KPNA3: variants seen among roughly 807,000 people sequenced by gnomAD.
KPNA3 encodes karyopherin subunit alpha 3, also known as importin subunit alpha-4.
Under a neutral mutation model 73.8 loss-of-function variants are expected in KPNA3, and 13 were observed. The ratio of observed to expected loss-of-function variants is 0.18; its 90% CI spans 0.11 to 0.28. The LOEUF (loss-of-function observed/expected upper bound fraction) is 0.28. KPNA3 is among the 10% of genes least tolerant of loss of function. The probability of loss-of-function intolerance (pLI) is 1.00; values close to 1 mark genes in which losing one functional copy is unlikely to be tolerated. For missense variants in KPNA3, 360 were observed against 618.1 expected, an observed-to-expected ratio of 0.58 and a Z score of 4.43; for synonymous variants, 186 against 206.9, an observed-to-expected ratio of 0.90 and a Z score of 0.87.
chr13:49,760,530 A>T (rs1954750313), intron 1 of KPNA3, among the ~76,000 whole-genome samples: 1 of 152,212 alleles, frequency 6.6e-6, no homozygotes, highest in African/African-American at 2.4e-5. Flanking sequence ...ACCATAAATT[A>T]AAAAGGAGAC....
intron 1 of KPNA3, among the ~76,000 whole-genome samples, chr13:49,791,052 A>T (rs569177925): frequency 6.6e-6 from 1 of 152,292 alleles, no homozygotes; most frequent in South Asian, 2.1e-4. Flanking sequence ...TTTAACCATG[A>T]CCAGGAAAGA....
intron 2 of KPNA3, among the ~76,000 whole-genome samples, chr13:49,739,554 A>C (rs1249270316): frequency 6.6e-6 from 1 of 152,232 alleles, no homozygotes; most frequent in Non-Finnish European, 1.5e-5. Context: ...AGAAAAAACA[A>C]TTCACACGAA....
chr13:49,705,899 G>T, intron 14 of KPNA3, 116 bp from the exon 15 acceptor site: 1 of 1,042,002 alleles, frequency 9.6e-7, no homozygotes. Context: ...GGAGTTGGAG[G>T]CTGTAGTGCG....
At chr13:49,773,428 A>AT (rs1001930215) in intron 1 of KPNA3, among the ~76,000 whole-genome samples, 16 of 152,216 alleles carry the variant, frequency 1.1e-4, no homozygotes, top group African/African-American at 2.9e-4. Context: ...TGCCTCAAAG[A>AT]TTTTTTCGAT....
At chr13:49,717,429 C>CA (rs1472257740) in intron 10 of KPNA3, among the ~76,000 whole-genome samples, 2 of 38,434 alleles carry the variant, frequency 5.2e-5, no homozygotes, top group Non-Finnish European at 9.8e-5. Flanking sequence ...GACTCCATCT[C>CA]GGAAAAAAAA....
At chr13:49,750,542 G>C (rs1349334256) in intron 1 of KPNA3, among the ~76,000 whole-genome samples, 1 of 152,014 alleles carries the variant, frequency 6.6e-6, no homozygotes, top group Non-Finnish European at 1.5e-5. Flanking sequence ...CTGAGATGGA[G>C]GATTGCTTAA....
At chr13:49,792,255 C>T (rs1955040172) in intron 1 of KPNA3, among the ~76,000 whole-genome samples, 183 bp downstream of exon 1, 1 of 151,484 alleles carries the variant, frequency 6.6e-6, no homozygotes, top group African/African-American at 2.4e-5. Flanking sequence ...CGGGGGGTGA[C>T]TGCAGCCCGG....
chr13:49,744,939 T>C (rs1218932968), intron 2 of KPNA3, among the ~76,000 whole-genome samples: 1 of 152,164 alleles, frequency 6.6e-6, no homozygotes, highest in Non-Finnish European at 1.5e-5. Context: ...TTAAATGTTA[T>C]TTCTTCAGAC....
chr13:49,767,534 G>A (rs544327669), intron 1 of KPNA3, among the ~76,000 whole-genome samples: 4 of 152,032 alleles, frequency 2.6e-5, no homozygotes, highest in Admixed American at 1.3e-4. Context: ...GTGTATGTAC[G>A]TGTGTGAAAG....
chr13:49,726,362 A>C (rs1347731557), intron 6 of KPNA3, among the ~76,000 whole-genome samples: 3 of 152,238 alleles, frequency 2.0e-5, no homozygotes, highest in Non-Finnish European at 4.4e-5. Context: ...CTAGCTTTTC[A>C]AAGATGGATT....
chr13:49,770,234 G>A (rs1954842269), intron 1 of KPNA3, among the ~76,000 whole-genome samples: 1 of 139,894 alleles, frequency 7.1e-6, no homozygotes, highest in Non-Finnish European at 1.5e-5. Context: ...TGCCCAGGTA[G>A]GCATGATTAC....
intron 10 of KPNA3, among the ~76,000 whole-genome samples, chr13:49,711,420 C>A (rs1192078509): frequency 6.6e-6 from 1 of 152,176 alleles, no homozygotes; most frequent in Admixed American, 6.5e-5. Context: ...CAGAAGAGAA[C>A]AGAAAGGTCA....
At chr13:49,773,102 A>G (rs887645140) in intron 1 of KPNA3, among the ~76,000 whole-genome samples, 2 of 152,220 alleles carry the variant, frequency 1.3e-5, no homozygotes, top group Non-Finnish European at 2.9e-5. Flanking sequence ...AAGTTTTAAA[A>G]AAATCAGACA....
chr13:49,781,701 C>T (rs1345543088), intron 1 of KPNA3, among the ~76,000 whole-genome samples: 2 of 152,154 alleles, frequency 1.3e-5, no homozygotes, highest in African/African-American at 4.8e-5. Context: ...CAAACTGTTT[C>T]AATTAGAGCA....
intron 2 of KPNA3, among the ~76,000 whole-genome samples, chr13:49,745,335 C>T (rs930888869): frequency 2.0e-5 from 3 of 151,854 alleles, no homozygotes; most frequent in African/African-American, 7.3e-5. Context: ...TTCCTTCTCC[C>T]TACAACTGAA....
At chr13:49,717,864 C>T (rs1043620471) in intron 10 of KPNA3, among the ~76,000 whole-genome samples, 6 of 152,222 alleles carry the variant, frequency 3.9e-5, no homozygotes, top group African/African-American at 9.6e-5. Flanking sequence ...ACTTTGTCAA[C>T]GAAGCTTTCT....
chr13:49,762,912 G>A (rs761565940), intron 1 of KPNA3, among the ~76,000 whole-genome samples: 1 of 87,998 alleles, frequency 1.1e-5, no homozygotes, highest in Non-Finnish European at 2.1e-5. Context: ...TTTACACCAA[G>A]GCTGGCTTAA....
At chr13:49,786,622 T>TA (rs1331344290) in intron 1 of KPNA3, among the ~76,000 whole-genome samples, 4 of 152,104 alleles carry the variant, frequency 2.6e-5, no homozygotes, top group African/African-American at 9.7e-5. Context: ...ACTCAACAGA[T>TA]AGTCAAAAGA....
intron 1 of KPNA3, among the ~76,000 whole-genome samples, chr13:49,764,741 A>T (rs1954795577): frequency 1.3e-5 from 2 of 150,812 alleles, no homozygotes; most frequent in South Asian, 4.2e-4. Flanking sequence ...GAGCATGACC[A>T]TGTCTTTCAC....
Sources: allele counts gnomAD v4.1 joint callset (sites outside exome capture counted in the v4.1 genomes callset), GRCh38; gene constraint gnomAD v4.1.1; transcripts MANE v1.5; gene names NCBI Gene and HGNC (gene_info 2026-07-23, HGNC 2026-07-21).